The following FAM83G variants were observed in gnomAD, a reference collection of about 807,000 sequenced individuals.
FAM83G encodes scaffolding CK1 anchoring protein G, also known as protein FAM83G.
In FAM83G, 38 loss-of-function variants were observed where a neutral mutation model predicts 61.5. The ratio of observed to expected loss-of-function variants is 0.62; its 90% CI spans 0.48 to 0.81. FAM83G has a LOEUF of 0.81. FAM83G is among the 30% of genes least tolerant of loss of function. The pLI, the probability that FAM83G is intolerant of heterozygous loss-of-function variation, is 0.00. For synonymous variants in FAM83G, 470 were observed against 476.1 expected (o/e 0.99, Z 0.17); for missense variants, 989 against 1,133.6 (o/e 0.87, Z 1.83).
At position 18,979,613 on chromosome 17, in the gene FAM83G, T is replaced by C; in HGVS notation, c.751A>G (p.Lys251Glu). The C allele has an allele frequency of 1.2e-6, 2 of 1,613,528 alleles. No individual in the cohort carries two copies. Among genetic ancestry groups the C allele is most frequent in the Non-Finnish European group, 1.7e-6 (2 of 1,179,982 alleles). The change falls in exon 4 of 6, where the codon AAG (lysine) becomes GAG (glutamate). Residue 251 changes from lysine (K) to glutamate (E), a missense_variant. Transcript: ENST00000388995. Reference protein sequence around the residue: ...EFFTRSATKFKGALAQKFMFV... With the variant: ...EFFTRSATKFEGALAQKFMFV... ...ATGAACTTCTGGGCCAGGGCACCCT[T>C]GAACTTGGTTGCCGACCGCGTGAAG... is the stretch of plus-strand genomic sequence containing the variant.
intron 5 of FAM83G, chr17:18,976,866 C>T (rs761410107): frequency 3.7e-6 from 6 of 1,613,418 alleles, no homozygotes; most frequent in Middle Eastern, 1.6e-4. Flanking sequence ...CATCGTGCAG[C>T]GATCACTGTC....
chr17:18,998,175 G>T (rs73981281), intron 2 of FAM83G, among the ~76,000 whole-genome samples: 3 of 152,196 alleles, frequency 2.0e-5, no homozygotes, highest in African/African-American at 2.4e-5. Context: ...TGCCAGGCTG[G>T]GGCCAACGTG....
At position 18,976,802 on chromosome 17, in the gene FAM83G, A is replaced by G. The variant is rs1464296371; in HGVS notation, c.2082+782T>C. 6.9e-6 allele frequency: 11 copies of G among 1,601,550 alleles called. No homozygotes were observed. In the African/African-American group the frequency reaches 8.0e-5, roughly 12 times the overall value. ...TGAGGCCCACCAAGGACCAATCCTG[A>G]CACAAGTGTCCCTCAGGCTTGGACT... is the stretch of plus-strand genomic sequence containing the variant. On this transcript the variant is annotated intron_variant, in intron 5 of 5. Transcript: ENST00000388995.
In FAM83G at chr17:18,971,159, T is replaced by G. The variant is rs1303113505; in HGVS notation, c.*200A>C. 3 of 1,614,094 alleles carry G rather than the reference T, an allele frequency of 1.9e-6. No homozygotes were observed. The highest frequency in any genetic ancestry group is 2.5e-6 in the Non-Finnish European group (3 of 1,180,042). On this transcript the variant is annotated 3_prime_UTR_variant, in exon 6 of 6. Coordinates refer to ENST00000388995, the MANE Select transcript of FAM83G (RefSeq NM_001039999.3). The surrounding 1 kb of genome is among the most constrained non-coding windows in gnomAD (Gnocchi z 5.5). ...AGACCCCCACACAGGGGACCTGCCG[T>G]GGACCGGGATGACCTTTGGCCTGAC... is the stretch of plus-strand genomic sequence containing the variant.
intron 3 of FAM83G, among the ~76,000 whole-genome samples, chr17:18,988,036 A>C (rs774287854): frequency 1.3e-5 from 2 of 152,240 alleles, no homozygotes; most frequent in African/African-American, 2.4e-5. Flanking sequence ...TGTTTATTTT[A>C]TCTCTGCCAC....
Position 18,971,212 on chromosome 17 carries a change from C to T in FAM83G, c.*147G>A, listed in dbSNP as rs763852400. On this transcript the variant is annotated 3_prime_UTR_variant, in exon 6 of 6. Transcript: ENST00000388995. This position sits in a 1 kb window ranked among gnomAD's most constrained non-coding sequence, Gnocchi z 5.5. ...TCATGGCCACCTGGTACTGGTGCACCGACCAGGTGAGTGCCAACGTCTCCC... is the reference window on the plus strand; with the variant it reads ...TCATGGCCACCTGGTACTGGTGCACTGACCAGGTGAGTGCCAACGTCTCCC... 2.0e-5 allele frequency: 32 copies of T among 1,613,766 alleles called. No individual in the cohort carries two copies. Among genetic ancestry groups the T allele is most frequent in the African/African-American group, 8.0e-5 (6 of 74,928 alleles).
intron 2 of FAM83G, among the ~76,000 whole-genome samples, chr17:18,991,612 G>A (rs140645419): frequency 1.2e-3 from 179 of 152,346 alleles, no homozygotes; most frequent in African/African-American, 4.2e-3. Flanking sequence ...AGCTTGTTCC[G>A]CTCCTGAGGC....
chr17:18,969,280 C>T lies in FAM83G; in HGVS notation c.*2079G>A, dbSNP rs1046574887. The T allele has an allele frequency of 2.5e-6, 4 of 1,589,766 alleles. No individual in the cohort carries two copies. Among genetic ancestry groups the T allele is most frequent in the Non-Finnish European group, 3.4e-6 (4 of 1,163,422 alleles). ...GCCCCAGCAGGAGCCCCAGAAGTTC[C>T]TCCCCGTGTCCCTCCTCCCTGGGGC... is the stretch of plus-strand genomic sequence containing the variant. On this transcript the variant is annotated 3_prime_UTR_variant, in exon 6 of 6. Coordinates refer to ENST00000388995, the MANE Select transcript of FAM83G (RefSeq NM_001039999.3).
At chr17:18,975,414 A>C (rs1419942848) in intron 5 of FAM83G, among the ~76,000 whole-genome samples, 2 of 152,188 alleles carry the variant, frequency 1.3e-5, no homozygotes, top group Non-Finnish European at 2.9e-5. Flanking sequence ...AGGCAGCCGG[A>C]TGCGGTGGCT....
chr17:18,998,168 C>G (rs145952157), intron 2 of FAM83G, among the ~76,000 whole-genome samples: 1 of 152,378 alleles, frequency 6.6e-6, no homozygotes, highest in African/African-American at 2.4e-5. Flanking sequence ...CAGGGCCTGC[C>G]AGGCTGGGGC....
rs775678386 is a variant in FAM83G at position 18,971,523 on chromosome 17, T to G, written c.2308A>C (p.Met770Leu). Residue 770 changes from methionine (M) to leucine (L), a missense_variant, in exon 6 of 6, where the codon ATG becomes CTG. Met to Leu is a conservative substitution (Grantham distance 15). This residue lies in a region of FAM83G where 574 missense variants were observed against 645.1 expected (regional missense o/e 0.89). Transcript: ENST00000388995. The surrounding 1 kb of genome is among the most constrained non-coding windows in gnomAD (Gnocchi z 5.5). Reference protein sequence around the residue: ...SPRLAQNARPMTDGRATEEHP... With the variant: ...SPRLAQNARPLTDGRATEEHP... ...TCCTCGGTGGCCCTGCCATCGGTCA[T>G]GGGGCGGGCATTTTGGGCCAGTCTT... The G allele has an allele frequency of 6.2e-7, 1 of 1,613,896 alleles. No individual in the cohort carries two copies. Among genetic ancestry groups the G allele is most frequent in the African/African-American group, 1.3e-5 (1 of 75,008 alleles).
At chr17:18,978,877 C>A in intron 4 of FAM83G, 27 bp from the exon 5 acceptor site, 1 of 1,607,414 alleles carries the variant, frequency 6.2e-7, no homozygotes, top group South Asian at 1.1e-5. Context: ...GGGCGCTGGT[C>A]AGGCACATGA....
chr17:18,971,198 T>C lies in FAM83G; in HGVS notation c.*161A>G, dbSNP rs1221606747. 1 of 1,613,962 alleles carries C rather than the reference T, an allele frequency of 6.2e-7. No homozygotes were observed. ...CTTTGGCCTGACCATCATGGCCACC[T>C]GGTACTGGTGCACCGACCAGGTGAG... is the stretch of plus-strand genomic sequence containing the variant. On this transcript the variant is annotated 3_prime_UTR_variant, in exon 6 of 6. Coordinates refer to ENST00000388995, the MANE Select transcript of FAM83G (RefSeq NM_001039999.3). The surrounding 1 kb of genome is among the most constrained non-coding windows in gnomAD (Gnocchi z 5.5).
chr17:19,001,847 C>T (rs1205179796), intron 2 of FAM83G, among the ~76,000 whole-genome samples: 1 of 152,214 alleles, frequency 6.6e-6, no homozygotes, highest in Non-Finnish European at 1.5e-5. Flanking sequence ...CCATCTGCCT[C>T]CTTCCTGTCG....
chr17:18,982,633 G>A (rs2043167804), intron 3 of FAM83G, among the ~76,000 whole-genome samples: 1 of 152,182 alleles, frequency 6.6e-6, no homozygotes, highest in Non-Finnish European at 1.5e-5. Flanking sequence ...CGGGTGGCAA[G>A]GCAAGGTGGG....
chr17:18,998,965 A>C (rs1216361527), intron 2 of FAM83G, among the ~76,000 whole-genome samples: 1 of 152,210 alleles, frequency 6.6e-6, no homozygotes, highest in Non-Finnish European at 1.5e-5. Flanking sequence ...CCCAGTATTT[A>C]GCTGCCAAGG....
chr17:18,972,947 G>A (rs748788940), intron 5 of FAM83G, among the ~76,000 whole-genome samples: 12 of 151,908 alleles, frequency 7.9e-5, no homozygotes, highest in Admixed American at 2.6e-4. Context: ...TTCCCCATCT[G>A]TAACACGTGG....
intron 2 of FAM83G, among the ~76,000 whole-genome samples, chr17:18,991,030 T>G (rs1441679660): frequency 6.6e-6 from 1 of 152,164 alleles, no homozygotes; most frequent in Non-Finnish European, 1.5e-5. Context: ...ATAAGGAGCC[T>G]TTACAGCTGT....
intron 2 of FAM83G, among the ~76,000 whole-genome samples, chr17:18,995,272 G>A (rs1446371393): frequency 1.3e-5 from 2 of 152,208 alleles, no homozygotes; most frequent in Non-Finnish European, 2.9e-5. Context: ...AAAAAGTTAG[G>A]TAGAGATGTG....
Sources: gnomAD v4.1 joint callset for allele counts (sites outside exome capture counted in the v4.1 genomes callset) on GRCh38, gnomAD v4.1.1 for gene constraint, gnomAD v4.1.1 regional missense constraint, Gnocchi (gnomAD v3.1) non-coding constraint, MANE v1.5 for transcripts, NCBI Gene and HGNC (gene_info 2026-07-23, HGNC 2026-07-21) for gene names.